Variants in WDFY2 observed in about 807,000 individuals in gnomAD.
WDFY2 encodes the protein WD repeat and FYVE domain-containing protein 2.
In WDFY2, 36 loss-of-function variants were observed where a neutral mutation model predicts 56.4. That is an observed-to-expected ratio of 0.64 (90% CI 0.49 to 0.84). WDFY2 has a LOEUF of 0.84. WDFY2 is among the 40% of genes least tolerant of loss of function. The pLI is 0.00. For synonymous variants in WDFY2, 176 were observed against 183.7 expected (o/e 0.96, Z 0.34); for missense variants, 444 against 512.2 (o/e 0.87, Z 1.29).
intron 1 of WDFY2, among the ~76,000 whole-genome samples, chr13:51,629,348 T>C (rs944971967): frequency 6.6e-6 from 1 of 152,244 alleles, no homozygotes; most frequent in Admixed American, 6.5e-5. Flanking sequence ...GCAATTGATA[T>C]AACCATGTGT....
chr13:51,680,386 G>A (rs982701704), intron 3 of WDFY2, among the ~76,000 whole-genome samples: 1 of 152,200 alleles, frequency 6.6e-6, no homozygotes, highest in Non-Finnish European at 1.5e-5. Flanking sequence ...ACAGGTGTGA[G>A]CCACTGTGCC....
At chr13:51,609,632 A>G (rs1199728389) in intron 1 of WDFY2, among the ~76,000 whole-genome samples, 1 of 129,808 alleles carries the variant, frequency 7.7e-6, no homozygotes, top group Non-Finnish European at 1.6e-5. Flanking sequence ...CCAAAAAACC[A>G]GGTTAACATA....
intron 3 of WDFY2, among the ~76,000 whole-genome samples, chr13:51,675,897 T>A (rs1383402508): frequency 4.6e-5 from 7 of 152,234 alleles, no homozygotes; most frequent in South Asian, 2.1e-4. Flanking sequence ...CATACTAAGT[T>A]TCAACTAGTA....
chr13:51,606,521 A>G (rs917846914), intron 1 of WDFY2, among the ~76,000 whole-genome samples: 1 of 152,232 alleles, frequency 6.6e-6, no homozygotes, highest in Non-Finnish European at 1.5e-5. Flanking sequence ...TTTAAAAGCA[A>G]CAGTGTGGAA....
At chr13:51,600,148 A>G (rs1954240813) in intron 1 of WDFY2, among the ~76,000 whole-genome samples, 1 of 152,212 alleles carries the variant, frequency 6.6e-6, no homozygotes, top group African/African-American at 2.4e-5. Context: ...CCTCTAGATC[A>G]GGGCTGAGAA....
Position 51,756,397 on chromosome 13 carries a change from C to A in WDFY2, c.999C>A (p.Pro333=). ...GKCSSKRSSI[P]LMGFEFEVRV... Reference sequence around the variant, plus strand: ...GCAGCTCCAAGCGCTCCTCCATCCCCCTGATGGGCTTCGAGTTTGAAGTGA... The same window carrying A: ...GCAGCTCCAAGCGCTCCTCCATCCCACTGATGGGCTTCGAGTTTGAAGTGA... Residue 333 remains proline, a synonymous_variant, in exon 10 of 12, where the codon CCC becomes CCA. Transcript: ENST00000298125. The A allele has an allele frequency of 1.2e-6, 2 of 1,614,152 alleles. No individual in the cohort carries two copies. Among genetic ancestry groups the A allele is most frequent in the Non-Finnish European group, 1.7e-6 (2 of 1,180,030 alleles).
chr13:51,756,517 G>T, intron 10 of WDFY2, 55 bp downstream of exon 10: 1 of 1,566,520 alleles, frequency 6.4e-7, no homozygotes, highest in Non-Finnish European at 8.7e-7. Flanking sequence ...TTTAATCTGA[G>T]CCTTGCACTC....
chr13:51,635,733 G>T (rs763999931), intron 1 of WDFY2, among the ~76,000 whole-genome samples: 1 of 152,156 alleles, frequency 6.6e-6, no homozygotes, highest in Non-Finnish European at 1.5e-5. Context: ...GTGAAAACAG[G>T]ATCTCTCTTA....
intron 1 of WDFY2, among the ~76,000 whole-genome samples, chr13:51,641,555 G>A (rs894416796): frequency 2.0e-5 from 3 of 151,408 alleles, no homozygotes; most frequent in African/African-American, 4.9e-5. Flanking sequence ...GGCCGGGCGC[G>A]GTGGCTCACG....
intron 4 of WDFY2, among the ~76,000 whole-genome samples, chr13:51,707,887 T>A (rs1952118186): frequency 6.7e-6 from 1 of 149,332 alleles, no homozygotes; most frequent in South Asian, 2.1e-4. Flanking sequence ...ATAATAGCAC[T>A]TGGGGAAAGA....
intron 1 of WDFY2, among the ~76,000 whole-genome samples, chr13:51,657,241 A>T (rs1955526066): frequency 6.6e-6 from 1 of 152,110 alleles, no homozygotes; most frequent in South Asian, 2.1e-4. Context: ...TTGCCCATTT[A>T]CATAGACTTA....
intron 3 of WDFY2, among the ~76,000 whole-genome samples, chr13:51,691,056 T>C (rs1481519057): frequency 6.6e-6 from 1 of 152,214 alleles, no homozygotes; most frequent in Non-Finnish European, 1.5e-5. Context: ...TGTTTTTTTG[T>C]TGTAAATTTG....
At chr13:51,685,401 C>G (rs1956044007) in intron 3 of WDFY2, among the ~76,000 whole-genome samples, 1 of 152,172 alleles carries the variant, frequency 6.6e-6, no homozygotes. Flanking sequence ...TTGAGTATAA[C>G]TTTTGATTGC....
rs1182872892 is a variant in WDFY2, at chr13:51,762,792, A to G, written c.*3023A>G. 1.6e-5 allele frequency: 2 copies of G among 121,502 alleles called. No homozygotes were observed. Among genetic ancestry groups the G allele is most frequent in the Non-Finnish European group, 3.6e-5 (2 of 55,016 alleles). 7.5% of individuals were successfully genotyped at this position (121,502 alleles called of 1,614,324 possible). On this transcript the variant is annotated 3_prime_UTR_variant, in exon 12 of 12. Transcript: ENST00000298125. ...TAGCAGCTTTTACAAATAATGCCTA[A>G]CATGCCTGCGCTGAGAAAGTGGCAG...
At chr13:51,669,236 A>C (rs1955765654) in intron 2 of WDFY2, among the ~76,000 whole-genome samples, 1 of 152,084 alleles carries the variant, frequency 6.6e-6, no homozygotes, top group Admixed American at 6.5e-5. Flanking sequence ...CTTTGTTTTG[A>C]TTTTCACTGA....
intron 1 of WDFY2, among the ~76,000 whole-genome samples, chr13:51,646,039 C>T (rs1955256253): frequency 6.6e-6 from 1 of 152,240 alleles, no homozygotes; most frequent in African/African-American, 2.4e-5. Context: ...GATGCTTCTA[C>T]TTCCTGACTG....
chr13:51,689,038 G>T (rs1187590738), intron 3 of WDFY2, among the ~76,000 whole-genome samples: 3 of 152,162 alleles, frequency 2.0e-5, no homozygotes, highest in Non-Finnish European at 4.4e-5. Context: ...CCATGAGCAG[G>T]ATATTCCCCA....
chr13:51,719,256 C>CACAGG lies in WDFY2; in HGVS notation c.402_406dup (p.Lys136ArgfsTer46). 6.2e-7 allele frequency: 1 copy of CACAGG among 1,614,176 alleles called. No individual in the cohort carries two copies. The highest frequency in any genetic ancestry group is 1.1e-5 in the South Asian group (1 of 91,080). Reference sequence around the variant, plus strand: ...TCCTGGAGCTGGAGTGGGTGCTGAGCACAGGACAGGACAAGCAATTTGCCT... The same window carrying CACAGG: ...TCCTGGAGCTGGAGTGGGTGCTGAGCACAGGACAGGACAGGACAAGCAATTTGCCT... On this transcript the variant is annotated frameshift_variant, in exon 5 of 12. Transcript: ENST00000298125. LOFTEE classifies it high-confidence loss of function.
intron 6 of WDFY2, among the ~76,000 whole-genome samples, chr13:51,733,785 G>A (rs1047840604): frequency 9.2e-5 from 14 of 152,294 alleles, no homozygotes; most frequent in Non-Finnish European, 1.6e-4. Context: ...CAAGGCTTCT[G>A]TCTAGAGCAT....
Sources: allele counts gnomAD v4.1 joint callset (sites outside exome capture counted in the v4.1 genomes callset), GRCh38; gene constraint gnomAD v4.1.1; transcripts MANE v1.5; gene names NCBI Gene and HGNC (gene_info 2026-07-23, HGNC 2026-07-21).